SRGAP3: variants seen among roughly 807,000 people sequenced by gnomAD.
The protein encoded by SRGAP3 is SLIT-ROBO Rho GTPase activating protein 3.
A neutral mutation model predicts 121.1 loss-of-function variants in SRGAP3; 39 were observed. The observed-to-expected ratio is 0.32, with a 90% CI of 0.25 to 0.42. The LOEUF (loss-of-function observed/expected upper bound fraction) is 0.42. SRGAP3 is among the 10% of genes least tolerant of loss of function. The probability of loss-of-function intolerance (pLI) is 1.00; values close to 1 mark genes in which losing one functional copy is unlikely to be tolerated. For synonymous variants in SRGAP3, 601 were observed against 570.0 expected (o/e 1.05, Z -0.77); for missense variants, 1,213 against 1,470.6 (o/e 0.82, Z 2.86).
chr3:8,994,638 A>T, intron 18 of SRGAP3, 115 bp from the exon 19 acceptor site: 1 of 1,372,772 alleles, frequency 7.3e-7, no homozygotes, highest in Non-Finnish European at 1.0e-6. Context: ...AGCTGGTGAG[A>T]ACATGGACAG....
intron 10 of SRGAP3, among the ~76,000 whole-genome samples, chr3:9,047,103 A>T (rs1302329118): frequency 6.6e-6 from 1 of 152,074 alleles, no homozygotes; most frequent in Non-Finnish European, 1.5e-5. Context: ...AAGTGCTGGG[A>T]TTACAGGCGT....
chr3:9,034,059 T>C (rs565766959), intron 11 of SRGAP3: 1 of 152,262 alleles, frequency 6.6e-6, no homozygotes, highest in African/African-American at 2.4e-5. Flanking sequence ...CAGGGAGGGG[T>C]AACCACACCA....
intron 1 of SRGAP3, among the ~76,000 whole-genome samples, chr3:9,220,045 G>A (rs776447890): frequency 9.2e-5 from 14 of 152,074 alleles, no homozygotes; most frequent in Admixed American, 2.0e-4. Flanking sequence ...AGGGTGGGGC[G>A]GGGAGGAAGA....
intron 7 of SRGAP3, 122 bp downstream of exon 7, chr3:9,058,129 A>G: frequency 9.6e-7 from 1 of 1,042,880 alleles, no homozygotes; most frequent in Non-Finnish European, 1.5e-6. Flanking sequence ...CCCATGAACC[A>G]GGAGCTTGAC....
chr3:9,265,283 C>T (rs1574955771), intron 3 of SRGAP3, among the ~76,000 whole-genome samples: 1 of 152,068 alleles, frequency 6.6e-6, no homozygotes, highest in Admixed American at 6.5e-5. Flanking sequence ...ACAAGAAAAC[C>T]TAGGCAATAC....
chr3:9,081,454 A>G (rs1044501974), intron 3 of SRGAP3, among the ~76,000 whole-genome samples: 2 of 152,208 alleles, frequency 1.3e-5, no homozygotes, highest in African/African-American at 4.8e-5. Flanking sequence ...CTATCAAATA[A>G]AAAGCTTAAA....
At chr3:8,999,664 C>G (rs1163694483) in intron 18 of SRGAP3, among the ~76,000 whole-genome samples, 1 of 152,172 alleles carries the variant, frequency 6.6e-6, no homozygotes, top group Non-Finnish European at 1.5e-5. Flanking sequence ...CCGTCATCTT[C>G]CCTGTGATGA....
At chr3:8,993,154 A>G in intron 19 of SRGAP3, 99 bp from the exon 20 acceptor site, 1 of 1,566,972 alleles carries the variant, frequency 6.4e-7, no homozygotes, top group Middle Eastern at 1.9e-4. Flanking sequence ...AATTAACACA[A>G]CTTATGGTTA....
chr3:9,142,919 C>T (rs1280468294), intron 1 of SRGAP3, among the ~76,000 whole-genome samples: 2 of 144,446 alleles, frequency 1.4e-5, no homozygotes, highest in African/African-American at 5.1e-5. Context: ...CTCACTGCAG[C>T]CTTGACCTTT....
intron 3 of SRGAP3, among the ~76,000 whole-genome samples, chr3:9,276,653 CT>C (rs1954585544): frequency 6.6e-6 from 1 of 152,146 alleles, no homozygotes; most frequent in African/African-American, 2.4e-5. Context: ...TCTTGAACTC[CT>C]GACTTTGTGA....
chr3:9,026,986 G>C lies in SRGAP3; in HGVS notation c.1549C>G (p.Gln517Glu), dbSNP rs776594395. Residue 517 changes from glutamine (Q) to glutamate (E), a missense_variant, in exon 13 of 22, where the codon CAA becomes GAA. Physicochemically the swap from Gln to Glu is conservative, Grantham distance 29. Around this residue, in one of 2 missense-constraint regions of SRGAP3, gnomAD observed 793 missense variants for 1,032.9 expected, o/e 0.77. Coordinates refer to ENST00000383836, the MANE Select transcript of SRGAP3 (RefSeq NM_014850.4). ...CTCTCGACTACAAGCGGTATAGCTT[G>C]TCCTGAATCCTTGAGAAAAGAAAAA... is the stretch of plus-strand genomic sequence containing the variant. ...SMEAFIKDSGQAIPLVVESCI... is the reference protein window; with the variant it reads ...SMEAFIKDSGEAIPLVVESCI... 1 of 1,614,160 alleles carries C rather than the reference G, an allele frequency of 6.2e-7. No homozygotes were observed. Among genetic ancestry groups the C allele is most frequent in the Non-Finnish European group, 8.5e-7 (1 of 1,180,010 alleles).
chr3:9,013,967 AG>A, intron 15 of SRGAP3, 125 bp from the exon 16 acceptor site: 1 of 843,182 alleles, frequency 1.2e-6, no homozygotes, highest in Non-Finnish European at 2.0e-6. Flanking sequence ...TCTTGATTCC[AG>A]GGATCACAGG....
intron 11 of SRGAP3, chr3:9,035,612 GGAAA>G (rs3841960): frequency 1.6e-4 from 29 of 179,186 alleles, no homozygotes; most frequent in Non-Finnish European, 1.1e-4. Context: ...AGAGCAAAAA[GGAAA>G]GAAAGAAAGA....
chr3:8,982,186 T>C lies in SRGAP3; in HGVS notation c.*3333A>G. On this transcript the variant is annotated 3_prime_UTR_variant, in exon 22 of 22. Coordinates refer to ENST00000383836, the MANE Select transcript of SRGAP3 (RefSeq NM_014850.4). The stretch of plus-strand genomic sequence containing the variant: ...AGTTTTAAATGAACAACTTGCTGGT[T>C]CATTCCTAGAATAGACTGAACGTCG... 1 of 226,386 alleles carries C rather than the reference T, an allele frequency of 4.4e-6. No homozygotes were observed. Among genetic ancestry groups the C allele is most frequent in the Non-Finnish European group, 8.8e-6 (1 of 113,530 alleles). 14.0% of individuals were successfully genotyped at this position (226,386 alleles called of 1,614,324 possible). A position where few individuals can be genotyped will look rare whatever the true frequency, so the allele number is the denominator to read the frequency against.
chr3:9,013,542 G>T lies in SRGAP3; in HGVS notation c.1920-7C>A. On this transcript the variant is annotated splice_region_variant and splice_polypyrimidine_tract_variant and intron_variant, in intron 16 of 21. Coordinates refer to ENST00000383836, the MANE Select transcript of SRGAP3 (RefSeq NM_014850.4). The stretch of plus-strand genomic sequence containing the variant: ...GTCGCTATACTGGGAGAGGCTAGGA[G>T]AGAGGAGTTACCCACAAGTCATCTG... 2 of 1,613,972 alleles carry T rather than the reference G, an allele frequency of 1.2e-6. No homozygotes were observed. The highest frequency in any genetic ancestry group is 2.2e-5 in the East Asian group (1 of 44,864).
intron 18 of SRGAP3, among the ~76,000 whole-genome samples, chr3:8,994,958 C>T (rs1351995507): frequency 6.6e-6 from 1 of 152,156 alleles, no homozygotes; most frequent in African/African-American, 2.4e-5. Context: ...ATCATGTATG[C>T]AGACTCTAAT....
At chr3:9,301,502 TTC>T (rs1267698422) in intron 3 of SRGAP3, among the ~76,000 whole-genome samples, 1 of 152,214 alleles carries the variant, frequency 6.6e-6, no homozygotes, top group Non-Finnish European at 1.5e-5. Flanking sequence ...ATCTGTAAAA[TTC>T]TCTCTTTTGT....
chr3:9,055,291 T>C (rs1045498863), intron 8 of SRGAP3, among the ~76,000 whole-genome samples: 6 of 152,206 alleles, frequency 3.9e-5, no homozygotes, highest in African/African-American at 1.4e-4. Context: ...CTCTTGAGAT[T>C]TGAAGATCAA....
intron 2 of SRGAP3, among the ~76,000 whole-genome samples, chr3:9,124,429 T>A (rs1949141320): frequency 6.6e-6 from 1 of 152,190 alleles, no homozygotes; most frequent in South Asian, 2.1e-4. Flanking sequence ...CGGTGCTTGG[T>A]AGCATAATAA....
Sources: gnomAD v4.1 joint callset for allele counts (sites outside exome capture counted in the v4.1 genomes callset) on GRCh38, gnomAD v4.1.1 for gene constraint, gnomAD v4.1.1 regional missense constraint, MANE v1.5 for transcripts, NCBI Gene and HGNC (gene_info 2026-07-23, HGNC 2026-07-21) for gene names.